UNC5D: variants seen among roughly 807,000 people sequenced by gnomAD.
UNC5D encodes the protein unc-5 netrin receptor D.
In UNC5D, 39 loss-of-function variants were observed where a neutral mutation model predicts 105.4. That is an observed-to-expected ratio of 0.37 (90% CI 0.29 to 0.48). The LOEUF is 0.48. UNC5D is among the 20% of genes least tolerant of loss of function. The probability of loss-of-function intolerance (pLI) is 0.98; values close to 1 mark genes in which losing one functional copy is unlikely to be tolerated. For missense variants in UNC5D, 991 were observed against 1,202.4 expected (o/e 0.82, Z 2.60); for synonymous variants, 452 against 450.4 (o/e 1.00, Z -0.04).
chr8:35,443,731 C>G (rs1293567339), intron 1 of UNC5D, among the ~76,000 whole-genome samples: 1 of 151,850 alleles, frequency 6.6e-6, no homozygotes, highest in Admixed American at 6.6e-5. Flanking sequence ...TTTCCCAACT[C>G]ATTTTATTGA....
intron 1 of UNC5D, among the ~76,000 whole-genome samples, chr8:35,457,270 G>A (rs775915135): frequency 6.6e-6 from 1 of 152,020 alleles, no homozygotes; most frequent in Non-Finnish European, 1.5e-5. Context: ...AAGATTCTTT[G>A]GTGTCATGAT....
intron 4 of UNC5D, among the ~76,000 whole-genome samples, chr8:35,622,639 TTTG>T (rs929985368): frequency 6.6e-6 from 1 of 152,198 alleles, no homozygotes; most frequent in Non-Finnish European, 1.5e-5. Context: ...ACATTAAATG[TTTG>T]TTGTTAGTAG....
At chr8:35,386,337 G>A (rs1803395803) in intron 1 of UNC5D, among the ~76,000 whole-genome samples, 1 of 152,080 alleles carries the variant, frequency 6.6e-6, no homozygotes, top group South Asian at 2.1e-4. Context: ...CTATAGACAT[G>A]TACACACCCC....
chr8:35,522,392 T>G (rs1490100548), intron 1 of UNC5D, among the ~76,000 whole-genome samples: 1 of 152,176 alleles, frequency 6.6e-6, no homozygotes, highest in African/African-American at 2.4e-5. Context: ...TCATTTGCCC[T>G]TTTTCTGATC....
chr8:35,596,648 T>G (rs1819510384), intron 4 of UNC5D, among the ~76,000 whole-genome samples: 1 of 152,170 alleles, frequency 6.6e-6, no homozygotes, highest in South Asian at 2.1e-4. Flanking sequence ...AGACAAACAT[T>G]GGTTCAGGTC....
intron 1 of UNC5D, among the ~76,000 whole-genome samples, chr8:35,538,407 A>ATG (rs1563514063): frequency 1.2e-4 from 5 of 42,112 alleles, no homozygotes; most frequent in Non-Finnish European, 2.0e-4. Context: ...ATATATATAT[A>ATG]TATATATATA....
chr8:35,677,433 A>G (rs891024063), intron 4 of UNC5D, among the ~76,000 whole-genome samples: 5 of 152,190 alleles, frequency 3.3e-5, no homozygotes, highest in Admixed American at 3.3e-4. Flanking sequence ...CCTGGCCCCC[A>G]GGAACATTGG....
At chr8:35,636,089 A>G (rs141736500) in intron 4 of UNC5D, among the ~76,000 whole-genome samples, 335 of 152,346 alleles carry the variant, frequency 2.2e-3, no homozygotes, top group Admixed American at 4.4e-3. Flanking sequence ...TTTGCTCATC[A>G]TTAAGAGTTC....
chr8:35,718,704 C>T (rs1043807187), intron 8 of UNC5D, among the ~76,000 whole-genome samples: 5 of 152,104 alleles, frequency 3.3e-5, no homozygotes, highest in East Asian at 1.9e-4. Context: ...GACCATAGGG[C>T]GGCAGCACTG....
chr8:35,549,952 C>CTTTTTT (rs5890821), intron 2 of UNC5D, among the ~76,000 whole-genome samples: 21 of 125,568 alleles, frequency 1.7e-4, no homozygotes, highest in African/African-American at 3.3e-4. Flanking sequence ...TTTCTGAGTC[C>CTTTTTT]TTTTTTTTTT....
intron 1 of UNC5D, among the ~76,000 whole-genome samples, chr8:35,349,401 C>T (rs894419675): frequency 4.6e-5 from 7 of 151,922 alleles, no homozygotes; most frequent in African/African-American, 1.7e-4. Context: ...GAATGTTGAG[C>T]CATTTCACAA....
At chr8:35,676,904 GT>G (rs140725804) in intron 4 of UNC5D, among the ~76,000 whole-genome samples, 8 of 149,192 alleles carry the variant, frequency 5.4e-5, no homozygotes, top group Middle Eastern at 3.4e-3. Flanking sequence ...TCATGAATAT[GT>G]TTTTTTTTTG....
At chr8:35,264,420 A>G (rs1351226149) in intron 1 of UNC5D, among the ~76,000 whole-genome samples, 1 of 152,208 alleles carries the variant, frequency 6.6e-6, no homozygotes, top group Admixed American at 6.5e-5. Context: ...AGCTTTGGCC[A>G]ACATCTTTTA....
At chr8:35,684,880 G>A in intron 6 of UNC5D, 131 bp downstream of exon 6, 1 of 1,193,032 alleles carries the variant, frequency 8.4e-7, no homozygotes, top group Non-Finnish European at 1.1e-6. Context: ...ATTTATCCAA[G>A]GTGCTAATGT....
rs1424071270 is a variant in UNC5D at position 35,586,837 on chromosome 8, A to G, written c.467-8717A>G. Among the ~76,000 whole-genome samples, 3 of 152,352 alleles carry G rather than the reference A, an allele frequency of 2.0e-5. No homozygotes were observed. The East Asian group carries it at 5.8e-4, about 29-fold the overall frequency. On this transcript the variant is annotated intron_variant, in intron 3 of 16. Transcript: ENST00000404895. ...TTTTTATTTCATTGCATTAACTGCC[A>G]GAACATTGAATGAGCCGATAACTCC...
intron 4 of UNC5D, among the ~76,000 whole-genome samples, chr8:35,676,393 C>T (rs536000168): frequency 2.5e-4 from 38 of 152,158 alleles, no homozygotes; most frequent in Non-Finnish European, 3.8e-4. Flanking sequence ...ATTGTTCATC[C>T]GAGGGGTGAA....
chr8:35,727,556 A>C (rs1158724672), intron 10 of UNC5D: 1 of 152,202 alleles, frequency 6.6e-6, no homozygotes. Flanking sequence ...ACTGAAATTC[A>C]TTTCTAGTTG....
intron 1 of UNC5D, among the ~76,000 whole-genome samples, chr8:35,390,222 G>A (rs1255735657): frequency 1.3e-5 from 2 of 152,166 alleles, no homozygotes; most frequent in African/African-American, 4.8e-5. Flanking sequence ...GAGGGATGGT[G>A]AGAAAACCAG....
At chr8:35,711,477 C>T (rs1827962756) in intron 8 of UNC5D, among the ~76,000 whole-genome samples, 1 of 152,000 alleles carries the variant, frequency 6.6e-6, no homozygotes, top group African/African-American at 2.4e-5. Context: ...ACCGCGCTGG[C>T]CCCAGCTTTC....
Sources: gnomAD v4.1 joint callset for allele counts (sites outside exome capture counted in the v4.1 genomes callset) on GRCh38, gnomAD v4.1.1 for gene constraint, MANE v1.5 for transcripts, NCBI Gene and HGNC (gene_info 2026-07-23, HGNC 2026-07-21) for gene names.